Variants in CYP2J2 observed in about 807,000 individuals in gnomAD.
The protein encoded by CYP2J2 is cytochrome P450 family 2 subfamily J member 2, also known as cytochrome P450 2J2.
A neutral mutation model predicts 48.8 loss-of-function variants in CYP2J2; 41 were observed. The ratio of observed to expected loss-of-function variants is 0.84; its 90% CI spans 0.66 to 1.09. The LOEUF (loss-of-function observed/expected upper bound fraction) is 1.09. Ranked by LOEUF, CYP2J2 falls within the 50% of genes least tolerant of loss-of-function variation. The pLI, the probability that CYP2J2 is intolerant of heterozygous loss-of-function variation, is 0.00. For synonymous variants in CYP2J2, 221 were observed against 227.1 expected, an observed-to-expected ratio of 0.97 and a Z score of 0.24; for missense variants, 644 against 617.3, an observed-to-expected ratio of 1.04 and a Z score of -0.46.
chr1:59,894,650 G>A (rs1169821426), intron 8 of CYP2J2, among the ~76,000 whole-genome samples: 1 of 152,180 alleles, frequency 6.6e-6, no homozygotes, highest in Non-Finnish European at 1.5e-5. Flanking sequence ...ACGAATATGT[G>A]TTTAAGATGA....
At chr1:59,898,764 T>G (rs796576067) in intron 8 of CYP2J2, among the ~76,000 whole-genome samples, 7 of 152,328 alleles carry the variant, frequency 4.6e-5, no homozygotes, top group African/African-American at 1.7e-4. Context: ...TTTAGTTATC[T>G]TAAATTAAAA....
At chr1:59,942,076 A>AT in the CYP2J2 span, among the ~76,000 whole-genome samples, 1 of 152,106 alleles carries the variant, frequency 6.6e-6, no homozygotes, top group Non-Finnish European at 1.5e-5. Flanking sequence ...ACCTTTTTTT[A>AT]TTTTTTGTAT....
At chr1:59,963,209 T>C in the CYP2J2 span, among the ~76,000 whole-genome samples, 1 of 152,084 alleles carries the variant, frequency 6.6e-6, no homozygotes, top group Non-Finnish European at 1.5e-5. Context: ...ACATGAAAAA[T>C]TTGCCATTTT....
chr1:59,897,323 A>G (rs1027280493), intron 8 of CYP2J2, among the ~76,000 whole-genome samples: 8 of 152,224 alleles, frequency 5.3e-5, no homozygotes, highest in Admixed American at 5.2e-4. Context: ...ATCAGTAACC[A>G]ACTGTGTGAC....
At chr1:59,952,060 C>G in the CYP2J2 span, among the ~76,000 whole-genome samples, 1 of 152,150 alleles carries the variant, frequency 6.6e-6, no homozygotes, top group African/African-American at 2.4e-5. Context: ...AGCACCAAAC[C>G]TATGCACTTA....
intron 7 of CYP2J2, among the ~76,000 whole-genome samples, chr1:59,902,252 T>C (rs770947526): frequency 1.3e-5 from 2 of 152,174 alleles, no homozygotes; most frequent in Admixed American, 6.5e-5. Context: ...AGTTTTTTCC[T>C]TTGGGCAGTT....
the CYP2J2 span, among the ~76,000 whole-genome samples, chr1:59,934,102 T>A: frequency 6.6e-6 from 1 of 152,076 alleles, no homozygotes; most frequent in Non-Finnish European, 1.5e-5. Context: ...GAGCAAATGG[T>A]CTTCAACAAG....
chr1:59,955,847 C>G, the CYP2J2 span, among the ~76,000 whole-genome samples: 1 of 152,106 alleles, frequency 6.6e-6, no homozygotes, highest in East Asian at 1.9e-4. Context: ...TTCTAATATA[C>G]AGGAAACTAA....
chr1:59,902,774 T>A (rs1312250599), intron 7 of CYP2J2, among the ~76,000 whole-genome samples: 1 of 152,196 alleles, frequency 6.6e-6, no homozygotes, highest in Non-Finnish European at 1.5e-5. Context: ...CCTACATGCA[T>A]GATCTCATTT....
chr1:59,933,404 G>A, the CYP2J2 span, among the ~76,000 whole-genome samples: 3 of 152,144 alleles, frequency 2.0e-5, no homozygotes, highest in East Asian at 5.8e-4. Flanking sequence ...ATCATTTTAA[G>A]TGTCAATAAT....
intron 1 of CYP2J2, among the ~76,000 whole-genome samples, chr1:59,919,144 A>C (rs1221927206): frequency 5.3e-5 from 8 of 152,186 alleles, no homozygotes; most frequent in Admixed American, 2.0e-4. Context: ...AGTGTGTGTG[A>C]CAGCGAGAGA....
intron 3 of CYP2J2, 44 bp downstream of exon 3, chr1:59,912,118 C>T (rs751281991): frequency 1.9e-5 from 30 of 1,573,688 alleles, no homozygotes; most frequent in Non-Finnish European, 2.5e-5. Flanking sequence ...GTCCAATGAA[C>T]AAATGGGCCA....
At chr1:59,955,269 T>TATATATATCCATATATATATATCC in the CYP2J2 span, among the ~76,000 whole-genome samples, 1 of 104,858 alleles carries the variant, frequency 9.5e-6, no homozygotes, top group Non-Finnish European at 2.0e-5. Flanking sequence ...TATATCCATA[T>TATATATATCCATATATATATATCC]ATATATATCC....
chr1:59,904,192 T>C (rs906528889), intron 7 of CYP2J2, among the ~76,000 whole-genome samples: 1 of 152,166 alleles, frequency 6.6e-6, no homozygotes, highest in African/African-American at 2.4e-5. Context: ...CCAACCAACA[T>C]GGTGAAACCC....
chr1:59,929,349 C>A (rs1644592100), upstream of CYP2J2, among the ~76,000 whole-genome samples: 1 of 152,018 alleles, frequency 6.6e-6, no homozygotes, highest in South Asian at 2.1e-4. Flanking sequence ...CAGTTTTCAC[C>A]AAAAAATGAT....
chr1:59,963,737 G>A, the CYP2J2 span, among the ~76,000 whole-genome samples: 1 of 152,250 alleles, frequency 6.6e-6, no homozygotes, highest in African/African-American at 2.4e-5. Context: ...GCGGCCTCAA[G>A]TGTAGCCCTG....
the CYP2J2 span, among the ~76,000 whole-genome samples, chr1:59,948,567 G>T: frequency 2.6e-5 from 4 of 152,218 alleles, no homozygotes; most frequent in African/African-American, 9.6e-5. Flanking sequence ...TGGTGCAAAA[G>T]GTTTTGCCAT....
chr1:59,966,108 AT>A, the CYP2J2 span, among the ~76,000 whole-genome samples: 1 of 152,192 alleles, frequency 6.6e-6, no homozygotes, highest in African/African-American at 2.4e-5. Context: ...CTACCTTCAC[AT>A]TTATCATAGA....
At chr1:59,943,303 C>T in the CYP2J2 span, among the ~76,000 whole-genome samples, 44,693 of 151,978 alleles carry the variant, frequency 0.29, 6,996 homozygotes, top group African/African-American at 0.4. Flanking sequence ...CCAGCAAGAG[C>T]CCTGAAATAA....
Sources: gnomAD v4.1 joint callset for allele counts (sites outside exome capture counted in the v4.1 genomes callset) on GRCh38, gnomAD v4.1.1 for gene constraint, MANE v1.5 for transcripts, NCBI Gene and HGNC (gene_info 2026-07-23, HGNC 2026-07-21) for gene names.